Variants in CPNE5 observed in about 807,000 individuals in gnomAD.
CPNE5 encodes copine-5.
CPNE5 carries 42 observed loss-of-function variants against 81.1 expected under a neutral mutation model. That is an observed-to-expected ratio of 0.52 (90% CI 0.40 to 0.67). The LOEUF (loss-of-function observed/expected upper bound fraction) is 0.67. Among genes scored for constraint, CPNE5 ranks in the 30% least tolerant of loss-of-function variants. The pLI, the probability that CPNE5 is intolerant of heterozygous loss-of-function variation, is 0.00. For missense variants in CPNE5, 612 were observed against 815.5 expected (o/e 0.75, Z 3.04); for synonymous variants, 313 against 321.5 (o/e 0.97, Z 0.28).
chr6:36,818,791 A>T (rs187147212), intron 3 of CPNE5, among the ~76,000 whole-genome samples: 92 of 152,260 alleles, frequency 6.0e-4, no homozygotes, highest in African/African-American at 2.1e-3. Flanking sequence ...ACAAGATGTG[A>T]CTTGGACAAT....
intron 1 of CPNE5, among the ~76,000 whole-genome samples, chr6:36,834,608 A>AT (rs1773300443): frequency 6.6e-6 from 1 of 151,404 alleles, no homozygotes; most frequent in Admixed American, 6.6e-5. Context: ...GTGAGCCGAG[A>AT]TTGGGCCACT....
chr6:36,784,638 G>A (rs1430612711), intron 8 of CPNE5, among the ~76,000 whole-genome samples: 1 of 152,140 alleles, frequency 6.6e-6, no homozygotes, highest in Non-Finnish European at 1.5e-5. Flanking sequence ...TGCTCTCTGA[G>A]CACATGAAAT....
intron 8 of CPNE5, among the ~76,000 whole-genome samples, chr6:36,781,273 A>G (rs925943528): frequency 6.6e-6 from 1 of 152,162 alleles, no homozygotes; most frequent in Admixed American, 6.5e-5. Context: ...AGCTCCAAGA[A>G]TCCTGGAGCC....
chr6:36,745,360 G>T, intron 17 of CPNE5, 28 bp downstream of exon 17: 1 of 1,596,428 alleles, frequency 6.3e-7, no homozygotes. Flanking sequence ...CCTTGTGAGT[G>T]CCTGGAGGCG....
intron 12 of CPNE5, among the ~76,000 whole-genome samples, chr6:36,758,628 G>A (rs756312085): frequency 2.6e-5 from 4 of 152,302 alleles, no homozygotes; most frequent in Non-Finnish European, 5.9e-5. Context: ...AGGACTTGGG[G>A]GTATTGGGAC....
At chr6:36,793,912 C>T (rs1769323139) in intron 7 of CPNE5, among the ~76,000 whole-genome samples, 1 of 152,190 alleles carries the variant, frequency 6.6e-6, no homozygotes, top group Admixed American at 6.5e-5. Flanking sequence ...ACCTCCAGCC[C>T]CAGTGGGCGA....
chr6:36,759,436 G>A (rs542817873), intron 12 of CPNE5, among the ~76,000 whole-genome samples: 3 of 151,278 alleles, frequency 2.0e-5, no homozygotes, highest in Non-Finnish European at 4.4e-5. Context: ...TCTGGAATCT[G>A]CCCTCCTGCG....
intron 9 of CPNE5, among the ~76,000 whole-genome samples, chr6:36,776,596 T>C (rs1582841396): frequency 6.6e-6 from 1 of 152,106 alleles, no homozygotes; most frequent in Non-Finnish European, 1.5e-5. Flanking sequence ...GGGATGATAC[T>C]GTGCAGAAGC....
chr6:36,749,776 C>T (rs778451380), intron 14 of CPNE5, among the ~76,000 whole-genome samples: 3 of 152,068 alleles, frequency 2.0e-5, no homozygotes, highest in Non-Finnish European at 2.9e-5. Context: ...GTGAAGGGTA[C>T]TTGCATGTTG....
chr6:36,784,922 C>T (rs1302272186), intron 8 of CPNE5, among the ~76,000 whole-genome samples: 3 of 148,604 alleles, frequency 2.0e-5, no homozygotes, highest in Non-Finnish European at 4.4e-5. Flanking sequence ...CTGGACAACT[C>T]CATCTCAAAA....
intron 1 of CPNE5, among the ~76,000 whole-genome samples, chr6:36,830,660 C>A (rs1451646467): frequency 3.3e-5 from 5 of 152,218 alleles, no homozygotes; most frequent in East Asian, 1.9e-4. Flanking sequence ...AGAGCAGGAG[C>A]TCTGGCCTCA....
In CPNE5 at chr6:36,800,103, C is replaced by T. The variant is rs78270173; in HGVS notation, c.184-33G>A. Reference sequence around the variant, plus strand: ...AGAAGATGGAGGGTGAACCTCAGGGCCGGGCTGGTGGGGCCGGCTGGTGGG... The same window carrying T: ...AGAAGATGGAGGGTGAACCTCAGGGTCGGGCTGGTGGGGCCGGCTGGTGGG... On this transcript the variant is annotated intron_variant, in intron 3 of 20. Coordinates refer to ENST00000244751, the MANE Select transcript of CPNE5 (RefSeq NM_020939.2). 5.4e-3 allele frequency: 8,343 copies of T among 1,550,332 alleles called. 315 individuals are homozygous for T. The African/African-American group carries it at 0.088, about 16-fold the overall frequency.
intron 3 of CPNE5, among the ~76,000 whole-genome samples, chr6:36,821,209 G>A (rs916549584): frequency 6.6e-6 from 1 of 151,744 alleles, no homozygotes; most frequent in African/African-American, 2.4e-5. Context: ...AGGAAGAGCA[G>A]GTGAAAAGGC....
At position 36,742,415 on chromosome 6, in the gene CPNE5, G is replaced by A. The variant is rs927392965; in HGVS notation, c.1635C>T (p.Asp545=). ...HVLSMARLAR[D]VLAEIPDQLV... Reference sequence around the variant, plus strand: ...GTTGGTCAGGGATCTCTGCCAGCACGTCTCGGGCCAGGCGGGCCATGCTCA... The same window carrying A: ...GTTGGTCAGGGATCTCTGCCAGCACATCTCGGGCCAGGCGGGCCATGCTCA... Residue 545 remains aspartate, a synonymous_variant, in exon 21 of 21, where the codon GAC becomes GAT. Coordinates refer to ENST00000244751, the MANE Select transcript of CPNE5 (RefSeq NM_020939.2). The A allele has an allele frequency of 6.8e-6, 11 of 1,613,724 alleles. No homozygotes were observed. The highest frequency in any genetic ancestry group is 1.1e-5 in the South Asian group (1 of 91,088).
chr6:36,799,395 C>G (rs1204593203), intron 4 of CPNE5, among the ~76,000 whole-genome samples: 1 of 152,148 alleles, frequency 6.6e-6, no homozygotes, highest in Non-Finnish European at 1.5e-5. Context: ...GGGGCAAAGA[C>G]TTTTCAAACC....
Position 36,746,129 on chromosome 6 carries a change from C to T in CPNE5, c.1200+267G>A, listed in dbSNP as rs1207257157. Reference sequence around the variant, plus strand: ...CCTGAGGGATGGGTCAGCCACAGCTCGCCTCCACCTGCACCTGCGTCTTGT... The same window carrying T: ...CCTGAGGGATGGGTCAGCCACAGCTTGCCTCCACCTGCACCTGCGTCTTGT... On this transcript the variant is annotated intron_variant, in intron 16 of 20. Coordinates refer to ENST00000244751, the MANE Select transcript of CPNE5 (RefSeq NM_020939.2). This position sits in a 1 kb window ranked among gnomAD's most constrained non-coding sequence, Gnocchi z 4.5. The T allele has an allele frequency of 1.7e-5, 17 of 983,878 alleles. No homozygotes were observed. Among genetic ancestry groups the T allele is most frequent in the East Asian group, 1.1e-4 (1 of 8,798 alleles). The allele number at this position is 983,878 out of a possible 1,614,324, so 60.9% of individuals were successfully genotyped here. A position where few individuals can be genotyped will look rare whatever the true frequency, so the allele number is the denominator to read the frequency against.
chr6:36,795,677 C>T (rs187687122), intron 6 of CPNE5, among the ~76,000 whole-genome samples: 90 of 152,250 alleles, frequency 5.9e-4, no homozygotes, highest in Admixed American at 3.4e-3. Flanking sequence ...TCTTGATCTC[C>T]GACGTCTAGC....
At chr6:36,752,784 G>A (rs2150381320) in intron 14 of CPNE5, among the ~76,000 whole-genome samples, 1 of 152,346 alleles carries the variant, frequency 6.6e-6, no homozygotes, top group African/African-American at 2.4e-5. Context: ...GTCTCTGCAT[G>A]GAGACCTGAC....
In CPNE5 at chr6:36,800,038, G is replaced by A. The variant is rs753432282; in HGVS notation, c.216C>T (p.Leu72=). The change falls in exon 4 of 21, where the codon CTC becomes CTT. Residue 72 remains leucine, a synonymous_variant. Coordinates refer to ENST00000244751, the MANE Select transcript of CPNE5 (RefSeq NM_020939.2). ...FGRTEVIDNT[L]NPDFVRKFIV... is the part of the protein sequence containing the mutation. The stretch of plus-strand genomic sequence containing the variant: ...TGAACTTGCGCACGAAGTCAGGATT[G>A]AGCGTGTTGTCGATGACTTCGGTGC... The A allele has an allele frequency of 6.2e-7, 1 of 1,613,930 alleles. No individual in the cohort carries two copies. The highest frequency in any genetic ancestry group is 8.5e-7 in the Non-Finnish European group (1 of 1,179,972).
Sources: gnomAD v4.1 joint callset for allele counts (sites outside exome capture counted in the v4.1 genomes callset) on GRCh38, gnomAD v4.1.1 for gene constraint, Gnocchi (gnomAD v3.1) non-coding constraint, MANE v1.5 for transcripts, NCBI Gene and HGNC (gene_info 2026-07-23, HGNC 2026-07-21) for gene names.